Variants in ALK observed in about 807,000 individuals in gnomAD.
ALK encodes the protein ALK tyrosine kinase receptor.
Under a neutral mutation model 163.1 loss-of-function variants are expected in ALK, and 74 were observed. The ratio of observed to expected loss-of-function variants is 0.45; its 90% CI spans 0.38 to 0.55. The LOEUF (loss-of-function observed/expected upper bound fraction) is 0.55, where lower values mean the gene tolerates loss of function less well. ALK is among the 20% of genes least tolerant of loss of function. The pLI is 0.00. For synonymous variants in ALK, 960 were observed against 843.2 expected (o/e 1.14, Z -2.40); for missense variants, 2,063 against 2,105.3 (o/e 0.98, Z 0.39).
Position 29,193,462 on chromosome 2 carries a change from G to A in ALK, c.4625C>T (p.Pro1542Leu), listed in dbSNP as rs878854659. ...NLGLEGSCTV[P>L]PNVATGRLPG... ...AAGTCTCCCAGTTGCAACGTTAGGT[G>A]GGACAGTACAGCTTCCCTCCAGCCC... The change falls in exon 29 of 29, where the codon CCA (proline) becomes CTA (leucine). Residue 1542 changes from proline to leucine, a missense_variant. Pro to Leu is a moderately conservative substitution (Grantham distance 98). Around this residue, in one of 5 missense-constraint regions of ALK, gnomAD observed 403 missense variants for 366.2 expected, o/e 1.10. Transcript: ENST00000389048. 2.5e-6 allele frequency: 4 copies of A among 1,614,172 alleles called. No individual in the cohort carries two copies. In the East Asian group the frequency reaches 8.9e-5, roughly 36 times the overall value.
intron 1 of ALK, among the ~76,000 whole-genome samples, chr2:29,852,467 G>C (rs1377476817): frequency 1.3e-5 from 2 of 152,138 alleles, no homozygotes; most frequent in Non-Finnish European, 2.9e-5. Context: ...TACTTTCAAA[G>C]GTGTGGGGAA....
chr2:29,408,615 G>C (rs1483111347), intron 4 of ALK, among the ~76,000 whole-genome samples: 1 of 152,194 alleles, frequency 6.6e-6, no homozygotes, highest in Non-Finnish European at 1.5e-5. Context: ...TCTTTTAAAA[G>C]AGGCTTATGT....
intron 1 of ALK, among the ~76,000 whole-genome samples, chr2:29,828,436 C>T (rs2148384277): frequency 6.6e-6 from 1 of 152,272 alleles, no homozygotes; most frequent in African/African-American, 2.4e-5. Flanking sequence ...GGGCTAATAT[C>T]CAGAATCTAC....
intron 1 of ALK, among the ~76,000 whole-genome samples, chr2:29,903,480 C>G (rs1300705626): frequency 6.6e-6 from 1 of 152,110 alleles, no homozygotes; most frequent in African/African-American, 2.4e-5. Flanking sequence ...CAGTCCCAAC[C>G]CTAACATAAA....
At chr2:29,828,296 C>A (rs1665257138) in intron 1 of ALK, among the ~76,000 whole-genome samples, 1 of 152,144 alleles carries the variant, frequency 6.6e-6, no homozygotes, top group Admixed American at 6.5e-5. Flanking sequence ...GCAATGGCAA[C>A]AAAAGCCAAA....
At chr2:29,548,847 T>C (rs1464133175) in intron 3 of ALK, among the ~76,000 whole-genome samples, 1 of 152,222 alleles carries the variant, frequency 6.6e-6, no homozygotes, top group Non-Finnish European at 1.5e-5. Flanking sequence ...TTTTTCCTTT[T>C]TGAACATTAT....
At chr2:29,242,082 A>G (rs1384471434) in intron 12 of ALK, among the ~76,000 whole-genome samples, 4 of 152,202 alleles carry the variant, frequency 2.6e-5, no homozygotes, top group Non-Finnish European at 5.9e-5. Context: ...GAGAAAAAGG[A>G]AGGCTTATTG....
At chr2:29,488,724 A>G (rs1194821975) in intron 4 of ALK, among the ~76,000 whole-genome samples, 1 of 152,204 alleles carries the variant, frequency 6.6e-6, no homozygotes, top group Non-Finnish European at 1.5e-5. Flanking sequence ...ACCACGGTGT[A>G]TGTTCAAAGG....
chr2:29,795,912 T>C (rs1664297086), intron 1 of ALK, among the ~76,000 whole-genome samples: 1 of 152,198 alleles, frequency 6.6e-6, no homozygotes, highest in African/African-American at 2.4e-5. Flanking sequence ...ATTCCAATTA[T>C]TACTTTGCAA....
rs142639711 is a variant in ALK at position 29,586,954 on chromosome 2, G to A, written c.953-54838C>T. Reference sequence around the variant, plus strand: ...AGACTCCTGGGACCAGTTCCAGGACGGAGGAGCACTGAGATGGGGGAATCT... The same window carrying A: ...AGACTCCTGGGACCAGTTCCAGGACAGAGGAGCACTGAGATGGGGGAATCT... On this transcript the variant is annotated intron_variant, in intron 3 of 28. Coordinates refer to ENST00000389048, the MANE Select transcript of ALK (RefSeq NM_004304.5). Among the ~76,000 whole-genome samples, 453 of 152,262 alleles carry A rather than the reference G, an allele frequency of 3.0e-3. 2 individuals are homozygous for A. Among genetic ancestry groups the A allele is most frequent in the African/African-American group, 0.01 (420 of 41,538 alleles).
intron 4 of ALK, among the ~76,000 whole-genome samples, chr2:29,485,728 G>A (rs1671761777): frequency 6.6e-6 from 1 of 152,180 alleles, no homozygotes; most frequent in African/African-American, 2.4e-5. Context: ...CTGTCTGGCT[G>A]TTTATGTTGC....
intron 2 of ALK, among the ~76,000 whole-genome samples, chr2:29,711,165 C>G (rs944791825): frequency 1.3e-5 from 2 of 152,200 alleles, no homozygotes. Context: ...ATATGTAGGA[C>G]CATGCCCAAC....
chr2:29,324,309 T>A (rs1667180891), intron 6 of ALK, among the ~76,000 whole-genome samples: 2 of 152,238 alleles, frequency 1.3e-5, no homozygotes, highest in South Asian at 4.1e-4. Context: ...TTTTCCTTCC[T>A]GCGTGACAAC....
intron 1 of ALK, among the ~76,000 whole-genome samples, chr2:29,912,813 C>T: frequency 6.6e-6 from 1 of 152,144 alleles, no homozygotes; most frequent in East Asian, 1.9e-4. Flanking sequence ...AGCTCCTAAT[C>T]TAGTGTTCTC....
chr2:29,459,880 G>T (rs1343396546), intron 4 of ALK, among the ~76,000 whole-genome samples: 2 of 152,110 alleles, frequency 1.3e-5, no homozygotes, highest in Non-Finnish European at 2.9e-5. Flanking sequence ...TGAATTTTAT[G>T]TTACTTTCAG....
At chr2:29,530,804 C>T (rs184761384) in intron 4 of ALK, among the ~76,000 whole-genome samples, 132 of 152,312 alleles carry the variant, frequency 8.7e-4, no homozygotes, top group African/African-American at 3.1e-3. Context: ...GGGACCTTCT[C>T]AGCCAGCCCA....
intron 9 of ALK, among the ~76,000 whole-genome samples, chr2:29,283,881 C>A (rs1547592): frequency 0.9 from 136,640 of 152,158 alleles, 62,516 homozygotes; most frequent in Non-Finnish European, 0.99. Context: ...AGATTATCTG[C>A]GCAGGTACTG....
intron 4 of ALK, among the ~76,000 whole-genome samples, chr2:29,443,433 T>G (rs1670595051): frequency 6.6e-6 from 1 of 152,214 alleles, no homozygotes; most frequent in Non-Finnish European, 1.5e-5. Flanking sequence ...GTGCCCCGTA[T>G]GTAAGGCCAA....
At chr2:29,444,609 T>C in intron 4 of ALK, among the ~76,000 whole-genome samples, 1 of 152,338 alleles carries the variant, frequency 6.6e-6, no homozygotes, top group Middle Eastern at 3.4e-3. Context: ...TGTTTTACAA[T>C]TGCATCAGTA....
Sources: gnomAD v4.1 joint callset for allele counts (sites outside exome capture counted in the v4.1 genomes callset) on GRCh38, gnomAD v4.1.1 for gene constraint, gnomAD v4.1.1 regional missense constraint, MANE v1.5 for transcripts, NCBI Gene and HGNC (gene_info 2026-07-23, HGNC 2026-07-21) for gene names.